PIK3AP1: variants seen among roughly 807,000 people sequenced by gnomAD.
The protein encoded by PIK3AP1 is phosphoinositide 3-kinase adapter protein 1.
Under a neutral mutation model 88.1 loss-of-function variants are expected in PIK3AP1, and 21 were observed. The ratio of observed to expected loss-of-function variants is 0.24; its 90% CI spans 0.17 to 0.34. The LOEUF (loss-of-function observed/expected upper bound fraction) is 0.34. Ranked by LOEUF, PIK3AP1 falls within the 10% of genes least tolerant of loss-of-function variation. PIK3AP1 has a pLI of 1.00. For synonymous variants in PIK3AP1, 398 were observed against 400.0 expected (o/e 1.00, Z 0.06); for missense variants, 828 against 1,035.7 (o/e 0.80, Z 2.75).
intron 2 of PIK3AP1, among the ~76,000 whole-genome samples, chr10:96,697,739 C>G (rs939799295): frequency 6.6e-6 from 1 of 151,826 alleles, no homozygotes; most frequent in African/African-American, 2.4e-5. Context: ...AAACAAACAA[C>G]AAAAAGTAAC....
At chr10:96,671,485 C>T (rs1843846020) in intron 2 of PIK3AP1, among the ~76,000 whole-genome samples, 1 of 152,132 alleles carries the variant, frequency 6.6e-6, no homozygotes, top group Non-Finnish European at 1.5e-5. Flanking sequence ...ACCCACAAGT[C>T]ACCAGCTACC....
intron 12 of PIK3AP1, 89 bp downstream of exon 12, chr10:96,620,263 A>G: frequency 7.6e-7 from 1 of 1,322,592 alleles, no homozygotes; most frequent in Admixed American, 1.8e-5. Flanking sequence ...GTCCAGGTAC[A>G]GCAATACACA....
Position 96,709,760 on chromosome 10 carries a change from G to C in PIK3AP1, c.237C>G (p.Phe79Leu), listed in dbSNP as rs1324659918. The C allele has an allele frequency of 6.2e-7, 1 of 1,613,910 alleles. No homozygotes were observed. The highest frequency in any genetic ancestry group is 1.3e-5 in the African/African-American group (1 of 75,050). ...VLLSAELVQH[F>L]HKPALLPLLQ... Reference sequence around the variant, plus strand: ...GCAGGGGCAGCAAGGCGGGCTTGTGGAAGTGCTGCACCAGCTCCGCGGACA... The same window carrying C: ...GCAGGGGCAGCAAGGCGGGCTTGTGCAAGTGCTGCACCAGCTCCGCGGACA... The change falls in exon 2 of 17, where the codon TTC becomes TTG. Residue 79 changes from phenylalanine (F) to leucine (L), a missense_variant. Phe to Leu is a conservative substitution (Grantham distance 22). Around this residue, in one of 3 missense-constraint regions of PIK3AP1, gnomAD observed 610 missense variants for 760.1 expected, o/e 0.80. Transcript: ENST00000339364.
At chr10:96,673,267 G>C (rs1317993391) in intron 2 of PIK3AP1, among the ~76,000 whole-genome samples, 10 of 152,156 alleles carry the variant, frequency 6.6e-5, no homozygotes, top group Non-Finnish European at 1.5e-4. Context: ...CCTCTATCCT[G>C]GATTCAGCGT....
At chr10:96,611,201 C>G (rs1397571287) in intron 13 of PIK3AP1, among the ~76,000 whole-genome samples, 1 of 152,228 alleles carries the variant, frequency 6.6e-6, no homozygotes, top group Non-Finnish European at 1.5e-5. Flanking sequence ...CAGGCACCAG[C>G]CTTCCTCATC....
rs146258225 is a variant in PIK3AP1, at chr10:96,610,584, C to T, written c.2015-717G>A. Among the ~76,000 whole-genome samples, 773 of 152,176 alleles carry T rather than the reference C, an allele frequency of 5.1e-3. 7 individuals carry two copies. The highest frequency in any genetic ancestry group is 0.018 in the African/African-American group (740 of 41,482). ...TGGCCCACACACACAGTAATGACCC[C>T]GAAAGCTAATGAAAGGAGGTCCTTC... is the stretch of plus-strand genomic sequence containing the variant. On this transcript the variant is annotated intron_variant, in intron 13 of 16. Coordinates refer to ENST00000339364, the MANE Select transcript of PIK3AP1 (RefSeq NM_152309.3).
chr10:96,713,174 C>T (rs1844459648), intron 1 of PIK3AP1, among the ~76,000 whole-genome samples: 1 of 151,992 alleles, frequency 6.6e-6, no homozygotes, highest in South Asian at 2.1e-4. Context: ...CCAGCTTGGG[C>T]AACATGGTGA....
At chr10:96,629,333 G>A (rs1589499540) in intron 8 of PIK3AP1, among the ~76,000 whole-genome samples, 1 of 151,972 alleles carries the variant, frequency 6.6e-6, no homozygotes, top group South Asian at 2.1e-4. Context: ...TCTGGAAGTG[G>A]TTTACCTATG....
intron 10 of PIK3AP1, among the ~76,000 whole-genome samples, chr10:96,624,753 T>G (rs1373631516): frequency 1.3e-5 from 2 of 152,198 alleles, no homozygotes; most frequent in Non-Finnish European, 2.9e-5. Context: ...ACCCAGGTGT[T>G]CTGGCATCCA....
chr10:96,706,766 T>A (rs1844369977), intron 2 of PIK3AP1, among the ~76,000 whole-genome samples: 2 of 152,158 alleles, frequency 1.3e-5, no homozygotes, highest in Admixed American at 1.3e-4. Flanking sequence ...ATCAGGTTTG[T>A]TAAGAAAGCT....
chr10:96,665,089 AC>A (rs1314872314), intron 2 of PIK3AP1, among the ~76,000 whole-genome samples: 1 of 150,690 alleles, frequency 6.6e-6, no homozygotes, highest in African/African-American at 2.4e-5. Context: ...TACTCTGAAA[AC>A]CCCAGGGATC....
Position 96,632,941 on chromosome 10 carries a change from C to T in PIK3AP1, c.1376-4448G>A, listed in dbSNP as rs200634520. ...AGTCCACTCACAAAGATAAAGGACA[C>T]AAGCTAGCAGGGCAGTGAAGAGAGC... On this transcript the variant is annotated intron_variant, in intron 8 of 16. Transcript: ENST00000339364. 2,954 of 1,612,790 alleles carry T rather than the reference C, an allele frequency of 1.8e-3. 3 individuals carry two copies. The highest frequency in any genetic ancestry group is 3.1e-3 in the South Asian group (282 of 91,082).
rs59631566 is a variant in PIK3AP1, at chr10:96,687,255, CAA to C, written c.430+22310_430+22311del. On this transcript the variant is annotated intron_variant, in intron 2 of 16. Transcript: ENST00000339364. ...TGGGCAAAAGAGCGATACTCCATCT[CAA>C]AAAAAAAAAAAAAAAAAAAAAAAAA... 4.9e-3 allele frequency among the ~76,000 whole-genome samples: 270 copies of C among 55,334 alleles called. 2 individuals are homozygous for C. Among genetic ancestry groups the C allele is most frequent in the African/African-American group, 0.014 (184 of 13,210 alleles). 36.3% of individuals were successfully genotyped at this position (55,334 alleles called of 152,430 possible).
intron 1 of PIK3AP1, among the ~76,000 whole-genome samples, chr10:96,712,733 C>T (rs1450847042): frequency 6.6e-6 from 1 of 152,182 alleles, no homozygotes; most frequent in East Asian, 1.9e-4. Context: ...TGCATGGGCA[C>T]GAGCCATCAG....
rs1848954961 is a variant in PIK3AP1, at chr10:96,603,995, A to G, written c.2225T>C (p.Met742Thr). The G allele has an allele frequency of 6.2e-7, 1 of 1,607,118 alleles. No individual in the cohort carries two copies. The highest frequency in any genetic ancestry group is 8.5e-7 in the Non-Finnish European group (1 of 1,176,500). Residue 742 changes from methionine (M) to threonine (T), a missense_variant, in exon 15 of 17, where the codon ATG becomes ACG. Met to Thr is a moderately conservative substitution (Grantham distance 81). Around this residue, in one of 3 missense-constraint regions of PIK3AP1, gnomAD observed 191 missense variants for 208.6 expected, o/e 0.92. Coordinates refer to ENST00000339364, the MANE Select transcript of PIK3AP1 (RefSeq NM_152309.3). ...AGCTCTCACCTCGTTGTCCCCTTCC[A>G]TCCCGCTGCTCACACTGAGGAGGCT... ...TRSLLSVSSG[M>T]EGDNEDNEVP...
intron 14 of PIK3AP1, among the ~76,000 whole-genome samples, chr10:96,605,857 G>A (rs746203953): frequency 9.9e-5 from 15 of 152,200 alleles, no homozygotes; most frequent in Non-Finnish European, 1.8e-4. Context: ...AGGCTGAGGC[G>A]GGTGGATCAC....
chr10:96,702,869 A>G (rs1844317678), intron 2 of PIK3AP1, among the ~76,000 whole-genome samples: 1 of 152,052 alleles, frequency 6.6e-6, no homozygotes. Flanking sequence ...GCATTTTTAA[A>G]TATTCCTTTA....
chr10:96,654,212 A>G (rs963919804), intron 3 of PIK3AP1, among the ~76,000 whole-genome samples: 1 of 150,476 alleles, frequency 6.6e-6, no homozygotes, highest in African/African-American at 2.5e-5. Flanking sequence ...TTGCTTTAAG[A>G]TCTCACACTA....
In PIK3AP1 at chr10:96,667,700, A is replaced by G. The variant is rs1000030367; in HGVS notation, c.431-10766T>C. Reference sequence around the variant, plus strand: ...GGATGATAAAGGATTTTTTAAGAAAAAAAAAAATAAAAGTGTACAGCAAAC... The same window carrying G: ...GGATGATAAAGGATTTTTTAAGAAAGAAAAAAATAAAAGTGTACAGCAAAC... On this transcript the variant is annotated intron_variant, in intron 2 of 16. Coordinates refer to ENST00000339364, the MANE Select transcript of PIK3AP1 (RefSeq NM_152309.3). Among the ~76,000 whole-genome samples the G allele has an allele frequency of 6.6e-5, 10 of 152,342 alleles. No homozygotes were observed. In the East Asian group the frequency reaches 1.7e-3, roughly 26 times the overall value.
Sources: gnomAD v4.1 joint callset for allele counts (sites outside exome capture counted in the v4.1 genomes callset) on GRCh38, gnomAD v4.1.1 for gene constraint, gnomAD v4.1.1 regional missense constraint, MANE v1.5 for transcripts, NCBI Gene and HGNC (gene_info 2026-07-23, HGNC 2026-07-21) for gene names.